The following UHRF2 variants were observed in gnomAD, a reference collection of about 807,000 sequenced individuals.
UHRF2 encodes ubiquitin like with PHD and ring finger domains 2.
Under a neutral mutation model 96.8 loss-of-function variants are expected in UHRF2, and 23 were observed. The ratio of observed to expected loss-of-function variants is 0.24; its 90% CI spans 0.17 to 0.34. The LOEUF is 0.34. Among genes scored for constraint, UHRF2 ranks in the 10% least tolerant of loss-of-function variants. UHRF2 has a pLI of 1.00. For synonymous variants in UHRF2, 385 were observed against 332.6 expected, an observed-to-expected ratio of 1.16 and a Z score of -1.72; for missense variants, 685 against 981.5, an observed-to-expected ratio of 0.70 and a Z score of 4.04.
chr9:6,494,687 A>G (rs1019342743), intron 10 of UHRF2: 5 of 152,204 alleles, frequency 3.3e-5, no homozygotes, highest in Non-Finnish European at 5.9e-5. Context: ...AACATTTCAT[A>G]AAGTTAACAG....
intron 2 of UHRF2, among the ~76,000 whole-genome samples, chr9:6,428,377 C>T (rs1820373481): frequency 6.6e-6 from 1 of 152,076 alleles, no homozygotes; most frequent in African/African-American, 2.4e-5. Flanking sequence ...AACTGCTACC[C>T]AGACTTCTAT....
At chr9:6,505,591 C>G (rs935498347) in intron 15 of UHRF2, among the ~76,000 whole-genome samples, 9 of 152,320 alleles carry the variant, frequency 5.9e-5, no homozygotes, top group Non-Finnish European at 8.8e-5. Flanking sequence ...GCCACCATAC[C>G]TGGCTGCTAA....
intron 3 of UHRF2, among the ~76,000 whole-genome samples, chr9:6,453,039 A>T (rs529046951): frequency 6.6e-6 from 1 of 152,148 alleles, no homozygotes; most frequent in African/African-American, 2.4e-5. Context: ...GTTAGAATTT[A>T]AAAATGTATG....
At chr9:6,419,316 C>A (rs535585188) in intron 1 of UHRF2, among the ~76,000 whole-genome samples, 1 of 152,290 alleles carries the variant, frequency 6.6e-6, no homozygotes, top group South Asian at 2.1e-4. Flanking sequence ...ATAACCCTTA[C>A]CAAAATATGG....
rs544896105 is a variant in UHRF2 at position 6,491,417 on chromosome 9, T to C, written c.1498-2409T>C. Among the ~76,000 whole-genome samples the C allele has an allele frequency of 2.0e-5, 3 of 152,340 alleles. No homozygotes were observed. In the East Asian group the frequency reaches 5.8e-4, roughly 29 times the overall value. ...CCACCTAACCCACCAGTAGTAGATGTGTGTTACACTAGCAGTGGTACAGTT... is the reference window on the plus strand; with the variant it reads ...CCACCTAACCCACCAGTAGTAGATGCGTGTTACACTAGCAGTGGTACAGTT... On this transcript the variant is annotated intron_variant, in intron 9 of 15. Coordinates refer to ENST00000276893, the MANE Select transcript of UHRF2 (RefSeq NM_152896.3).
In UHRF2 at chr9:6,506,129, C is replaced by T. The variant is rs762126086; in HGVS notation, c.2359C>T (p.Leu787=). The T allele has an allele frequency of 2.5e-6, 4 of 1,614,190 alleles. No homozygotes were observed. Among genetic ancestry groups the T allele is most frequent in the African/African-American group, 2.7e-5 (2 of 75,050 alleles). Residue 787 remains leucine, a synonymous_variant, in exon 16 of 16, where the codon CTG becomes TTG. Transcript: ENST00000276893. ...TTACATCATGATTCCCAATGAGATT[C>T]TGCAGACTCTACTTGACCTTTTCTT... is the stretch of plus-strand genomic sequence containing the variant. ...QNYIMIPNEI[L]QTLLDLFFPG... is the part of the protein sequence containing the mutation.
chr9:6,460,768 A>C lies in UHRF2; in HGVS notation c.840A>C (p.Glu280Asp). The C allele has an allele frequency of 6.2e-7, 1 of 1,612,528 alleles. No individual in the cohort carries two copies. The highest frequency in any genetic ancestry group is 8.5e-7 in the Non-Finnish European group (1 of 1,179,610). Residue 280 changes from glutamate to aspartate, a missense_variant, in exon 4 of 16, where the codon GAA becomes GAC. By Grantham distance (45) the Glu-to-Asp change is conservative (BLOSUM62 2). Transcript: ENST00000276893. Reference protein sequence around the residue: ...TLKTISRTKKELRVKIFLGGS... With the variant: ...TLKTISRTKKDLRVKIFLGGS... Reference sequence around the variant, plus strand: ...AGACAATCTCAAGGACCAAAAAAGAACTTCGTGTGAAAATTTTCCTGGGGT... The same window carrying C: ...AGACAATCTCAAGGACCAAAAAAGACCTTCGTGTGAAAATTTTCCTGGGGT...
At chr9:6,501,362 A>G in intron 14 of UHRF2, among the ~76,000 whole-genome samples, 1 of 152,086 alleles carries the variant, frequency 6.6e-6, no homozygotes. Context: ...TGAATCTTCT[A>G]TTAAATATTG....
At chr9:6,457,396 G>A (rs1822248013) in intron 3 of UHRF2, among the ~76,000 whole-genome samples, 1 of 92,034 alleles carries the variant, frequency 1.1e-5, no homozygotes, top group Non-Finnish European at 2.5e-5. Context: ...TCACCTTAAG[G>A]AGATTTTGGG....
At chr9:6,477,283 G>A (rs1241127951) in intron 5 of UHRF2, among the ~76,000 whole-genome samples, 1 of 151,358 alleles carries the variant, frequency 6.6e-6, no homozygotes, top group Non-Finnish European at 1.5e-5. Context: ...CCAGCACTTT[G>A]GGAGGTTGAG....
chr9:6,420,863 TA>T (rs1445329947), intron 1 of UHRF2, 48 bp from the exon 2 acceptor site: 1 of 1,443,136 alleles, frequency 6.9e-7, no homozygotes, highest in East Asian at 2.3e-5. Flanking sequence ...AAAAATGTAG[TA>T]AGATACATTT....
At chr9:6,500,737 C>T (rs200181004) in intron 14 of UHRF2, 28 bp downstream of exon 14, 11 of 1,574,286 alleles carry the variant, frequency 7.0e-6, no homozygotes, top group Non-Finnish European at 9.5e-6. Flanking sequence ...TAAATAATAA[C>T]ATTCTGATAT....
At chr9:6,502,201 C>T (rs2130973876) in intron 14 of UHRF2, among the ~76,000 whole-genome samples, 1 of 152,314 alleles carries the variant, frequency 6.6e-6, no homozygotes, top group South Asian at 2.1e-4. Flanking sequence ...CTGTGATCAG[C>T]AGCCCTACCT....
At chr9:6,474,266 AG>A (rs1328297710) in intron 4 of UHRF2, among the ~76,000 whole-genome samples, 2 of 152,216 alleles carry the variant, frequency 1.3e-5, no homozygotes, top group Non-Finnish European at 2.9e-5. Context: ...TTTAAAGAAA[AG>A]GTGGAAGGAT....
chr9:6,486,602 T>A (rs1824304098), intron 8 of UHRF2, among the ~76,000 whole-genome samples: 1 of 151,120 alleles, frequency 6.6e-6, no homozygotes, highest in Non-Finnish European at 1.5e-5. Flanking sequence ...AAGGATATGT[T>A]TGAGGAGATT....
chr9:6,414,369 G>C (rs543051568), intron 1 of UHRF2, among the ~76,000 whole-genome samples: 10 of 152,202 alleles, frequency 6.6e-5, no homozygotes, highest in Admixed American at 1.3e-4. Context: ...AGGAGTGTAA[G>C]ACTGTTTGCT....
intron 2 of UHRF2, among the ~76,000 whole-genome samples, chr9:6,424,703 G>C (rs892304562): frequency 6.6e-6 from 1 of 150,846 alleles, no homozygotes; most frequent in African/African-American, 2.4e-5. Context: ...TTTTGTTCCA[G>C]AATCCCACTA....
chr9:6,479,854 A>G (rs1392210598), intron 6 of UHRF2, among the ~76,000 whole-genome samples: 4 of 151,722 alleles, frequency 2.6e-5, no homozygotes, highest in Non-Finnish European at 5.9e-5. Flanking sequence ...CTCCATTCTC[A>G]CCTCCCAGCC....
At chr9:6,459,213 T>TAA (rs1463899001) in intron 3 of UHRF2, among the ~76,000 whole-genome samples, 1 of 151,530 alleles carries the variant, frequency 6.6e-6, no homozygotes, top group Admixed American at 6.6e-5. Flanking sequence ...ACTTAAATTT[T>TAA]AAAAAAAGAA....
Sources: gnomAD v4.1 joint callset for allele counts (sites outside exome capture counted in the v4.1 genomes callset) on GRCh38, gnomAD v4.1.1 for gene constraint, MANE v1.5 for transcripts, NCBI Gene and HGNC (gene_info 2026-07-23, HGNC 2026-07-21) for gene names.